The following CDH13 variants were observed in gnomAD, a reference collection of about 807,000 sequenced individuals.
CDH13 encodes the protein cadherin-13.
A neutral mutation model predicts 63.8 loss-of-function variants in CDH13; 24 were observed. The ratio of observed to expected loss-of-function variants is 0.38; its 90% confidence interval spans 0.27 to 0.53. The LOEUF is 0.53. Ranked by LOEUF, CDH13 falls within the 20% of genes least tolerant of loss-of-function variation. The pLI is 0.85. For synonymous variants in CDH13, 503 were observed against 355.3 expected (o/e 1.42, Z -4.67); for missense variants, 1,049 against 903.1 (o/e 1.16, Z -2.07).
intron 4 of CDH13, among the ~76,000 whole-genome samples, chr16:83,156,907 A>G (rs2037230128): frequency 6.6e-6 from 1 of 152,200 alleles, no homozygotes; most frequent in Non-Finnish European, 1.5e-5. Context: ...ATTGCAGATG[A>G]AAATAAGGTC....
chr16:83,083,988 C>T (rs1335509935), intron 3 of CDH13, among the ~76,000 whole-genome samples: 2 of 152,192 alleles, frequency 1.3e-5, no homozygotes, highest in Admixed American at 1.3e-4. Context: ...CAGACCTTTG[C>T]AATGAGTTTA....
chr16:83,362,872 G>T (rs893528572), intron 6 of CDH13, among the ~76,000 whole-genome samples: 2 of 152,166 alleles, frequency 1.3e-5, no homozygotes, highest in African/African-American at 4.8e-5. Context: ...TTGCTTATGG[G>T]AGATGCAACA....
chr16:83,727,090 C>T (rs1022480681), intron 10 of CDH13, among the ~76,000 whole-genome samples: 1 of 152,128 alleles, frequency 6.6e-6, no homozygotes, highest in Non-Finnish European at 1.5e-5. Flanking sequence ...TTAGTGTAGT[C>T]ACAGAGTTGT....
At chr16:82,726,491 G>A (rs1386339669) in intron 1 of CDH13, among the ~76,000 whole-genome samples, 2 of 152,162 alleles carry the variant, frequency 1.3e-5, no homozygotes, top group South Asian at 2.1e-4. Flanking sequence ...CTTTTCTCAT[G>A]AGCTGTTCAA....
intron 10 of CDH13, among the ~76,000 whole-genome samples, chr16:83,704,259 G>A (rs970152678): frequency 6.6e-6 from 1 of 152,120 alleles, no homozygotes; most frequent in African/African-American, 2.4e-5. Context: ...ATTCAGTCAG[G>A]TTAGGTTGTT....
At chr16:82,719,321 A>T (rs1183424175) in intron 1 of CDH13, 4 of 454,692 alleles carry the variant, frequency 8.8e-6, no homozygotes, top group African/African-American at 6.0e-5. Context: ...GTTACTAAAG[A>T]CTTAAAGCTT....
chr16:83,213,282 G>T lies in CDH13; in HGVS notation c.484-4063G>T, dbSNP rs555066231. Reference sequence around the variant, plus strand: ...TGAGAGAGGGCAAGAAAATGACTGAGACCCACCCTTGGCAGCAGAAGGGAA... The same window carrying T: ...TGAGAGAGGGCAAGAAAATGACTGATACCCACCCTTGGCAGCAGAAGGGAA... On this transcript the variant is annotated intron_variant, in intron 4 of 13. Transcript: ENST00000567109. Among the ~76,000 whole-genome samples, 28 of 152,254 alleles carry T rather than the reference G, an allele frequency of 1.8e-4. 1 individual carries two copies. In the South Asian group the frequency reaches 5.8e-3, roughly 32 times the overall value.
At chr16:83,778,526 C>CAA (rs5818469) in intron 11 of CDH13, among the ~76,000 whole-genome samples, 1 of 141,412 alleles carries the variant, frequency 7.1e-6, no homozygotes, top group Admixed American at 7.1e-5. Context: ...TGAGACTCAC[C>CAA]AAAAAAAAAA....
chr16:83,543,238 AT>A (rs1362730758), intron 7 of CDH13, among the ~76,000 whole-genome samples: 4 of 152,242 alleles, frequency 2.6e-5, no homozygotes, highest in African/African-American at 9.6e-5. Context: ...GACATTTCGT[AT>A]AGCAAATGCT....
At chr16:82,945,865 C>T (rs1904656096) in intron 2 of CDH13, among the ~76,000 whole-genome samples, 1 of 152,178 alleles carries the variant, frequency 6.6e-6, no homozygotes, top group Non-Finnish European at 1.5e-5. Context: ...CCTAAAGACT[C>T]TTCCTCTGAG....
intron 1 of CDH13, among the ~76,000 whole-genome samples, chr16:82,766,214 G>A (rs949731798): frequency 1.4e-4 from 21 of 152,166 alleles, no homozygotes; most frequent in South Asian, 4.1e-4. Context: ...GATGTCTAGC[G>A]TAACTTCTTT....
At chr16:83,495,352 T>C (rs900248166) in intron 7 of CDH13, among the ~76,000 whole-genome samples, 4 of 152,142 alleles carry the variant, frequency 2.6e-5, no homozygotes, top group Non-Finnish European at 4.4e-5. Flanking sequence ...TGAAAGAGTT[T>C]AAAGACCTGG....
At chr16:83,581,137 T>C (rs182114642) in intron 7 of CDH13, among the ~76,000 whole-genome samples, 30 of 152,348 alleles carry the variant, frequency 2.0e-4, no homozygotes, top group African/African-American at 6.5e-4. Flanking sequence ...AGATCTTTTC[T>C]CTTTTACAAA....
chr16:83,518,759 C>T (rs1416196141), intron 7 of CDH13, among the ~76,000 whole-genome samples: 1 of 152,122 alleles, frequency 6.6e-6, no homozygotes, highest in Non-Finnish European at 1.5e-5. Context: ...GTTTGAGCCA[C>T]CGAGCCCGGC....
intron 2 of CDH13, among the ~76,000 whole-genome samples, chr16:82,995,866 C>T (rs1247907266): frequency 1.3e-5 from 2 of 152,096 alleles, no homozygotes; most frequent in African/African-American, 2.4e-5. Flanking sequence ...GCTGGGGAAT[C>T]GATATCGTTT....
chr16:82,725,797 GACTT>G (rs1327327338), intron 1 of CDH13, among the ~76,000 whole-genome samples: 1 of 152,152 alleles, frequency 6.6e-6, no homozygotes, highest in Non-Finnish European at 1.5e-5. Context: ...ATGATAGCAA[GACTT>G]ACTTATTACC....
intron 2 of CDH13, among the ~76,000 whole-genome samples, chr16:82,965,613 C>A (rs891670685): frequency 1.3e-5 from 2 of 152,156 alleles, no homozygotes; most frequent in African/African-American, 2.4e-5. Context: ...CTCACTGCAA[C>A]CTCTACTTCC....
intron 2 of CDH13, among the ~76,000 whole-genome samples, chr16:83,026,867 A>G (rs1157293088): frequency 6.6e-6 from 1 of 152,158 alleles, no homozygotes; most frequent in Non-Finnish European, 1.5e-5. Context: ...TTTGGGACAG[A>G]TAAGGCACCA....
At chr16:83,493,621 A>G (rs1362284396) in intron 7 of CDH13, among the ~76,000 whole-genome samples, 1 of 152,128 alleles carries the variant, frequency 6.6e-6, no homozygotes, top group East Asian at 1.9e-4. Flanking sequence ...CTACTTAAAG[A>G]CTCCAGAGAT....
Sources: allele counts gnomAD v4.1 joint callset (sites outside exome capture counted in the v4.1 genomes callset), GRCh38; gene constraint gnomAD v4.1.1; transcripts MANE v1.5; gene names NCBI Gene and HGNC (gene_info 2026-07-23, HGNC 2026-07-21).